MSRB3: variants seen among roughly 807,000 people sequenced by gnomAD.
MSRB3 encodes the protein methionine-R-sulfoxide reductase B3.
In MSRB3, 13 loss-of-function variants were observed where a neutral mutation model predicts 21.0. The observed-to-expected ratio is 0.62, with a 90% CI of 0.40 to 0.98. MSRB3 has a LOEUF of 0.98. Ranked by LOEUF, MSRB3 falls within the 50% of genes least tolerant of loss-of-function variation. The probability of loss-of-function intolerance (pLI) is 0.00; values close to 1 mark genes in which losing one functional copy is unlikely to be tolerated. For synonymous variants in MSRB3, 87 were observed against 88.6 expected, an observed-to-expected ratio of 0.98 and a Z score of 0.10; for missense variants, 199 against 230.3, an observed-to-expected ratio of 0.86 and a Z score of 0.88.
At chr12:65,409,203 CAT>C (rs1387734434) in intron 5 of MSRB3, among the ~76,000 whole-genome samples, 1 of 151,698 alleles carries the variant, frequency 6.6e-6, no homozygotes, top group Non-Finnish European at 1.5e-5. Flanking sequence ...CACACACACA[CAT>C]ACACATACAC....
intron 1 of MSRB3, among the ~76,000 whole-genome samples, chr12:65,283,063 A>G (rs1364516650): frequency 6.6e-6 from 1 of 152,214 alleles, no homozygotes; most frequent in Non-Finnish European, 1.5e-5. Flanking sequence ...GCTCTTTAGG[A>G]TAAGTTCATT....
At chr12:65,459,744 T>G (rs761710784) in intron 6 of MSRB3, among the ~76,000 whole-genome samples, 5 of 152,202 alleles carry the variant, frequency 3.3e-5, no homozygotes, top group Admixed American at 6.5e-5. Context: ...GAAAAACCTC[T>G]AAGACAGTGG....
intron 1 of MSRB3, among the ~76,000 whole-genome samples, chr12:65,295,923 A>G (rs2136402740): frequency 6.6e-6 from 1 of 152,342 alleles, no homozygotes; most frequent in East Asian, 1.9e-4. Context: ...ACAATTAGTT[A>G]TAAGCCCTAG....
At position 65,365,329 on chromosome 12, in the gene MSRB3, G is replaced by A. The variant is rs187654077; in HGVS notation, c.264-3669G>A. ...GAGTGTTGTGCCAGGCCCCCACTGT[G>A]GGGTAACTGAGGGGGAAGAAAGGAG... On this transcript the variant is annotated intron_variant, in intron 4 of 6. Transcript: ENST00000308259. Among the ~76,000 whole-genome samples the A allele has an allele frequency of 4.6e-5, 7 of 152,236 alleles. No individual in the cohort carries two copies. The East Asian group carries it at 1.2e-3, about 25-fold the overall frequency.
intron 1 of MSRB3, among the ~76,000 whole-genome samples, chr12:65,290,613 A>T (rs1264694718): frequency 6.6e-6 from 1 of 152,174 alleles, no homozygotes; most frequent in Non-Finnish European, 1.5e-5. Flanking sequence ...TGGGGGGAAA[A>T]GTATGCCTTA....
intron 5 of MSRB3, among the ~76,000 whole-genome samples, chr12:65,386,623 C>G (rs1879208683): frequency 6.6e-6 from 1 of 151,684 alleles, no homozygotes; most frequent in Non-Finnish European, 1.5e-5. Context: ...AAATAGATAC[C>G]TGGTTTAGCG....
rs115657286 is a variant in MSRB3, at chr12:65,333,138, T to A, written c.263+4535T>A. Among the ~76,000 whole-genome samples the A allele has an allele frequency of 5.4e-3, 816 of 152,324 alleles. 11 individuals carry two copies. The highest frequency in any genetic ancestry group is 0.018 in the African/African-American group (757 of 41,568). On this transcript the variant is annotated intron_variant, in intron 4 of 6. Coordinates refer to ENST00000308259, the MANE Select transcript of MSRB3 (RefSeq NM_001031679.3). Reference sequence around the variant, plus strand: ...ATAATTCAGAAAGTATTTTTGACCATTTATATTTTGCTTTGGTTGACACTT... The same window carrying A: ...ATAATTCAGAAAGTATTTTTGACCAATTATATTTTGCTTTGGTTGACACTT...
At chr12:65,342,470 T>A (rs935762249) in intron 4 of MSRB3, among the ~76,000 whole-genome samples, 8 of 151,978 alleles carry the variant, frequency 5.3e-5, no homozygotes, top group Non-Finnish European at 1.2e-4. Context: ...TTTCCAATAT[T>A]GTCAAATTAA....
In MSRB3 at chr12:65,335,067, C is replaced by T. The variant is rs535752015; in HGVS notation, c.263+6464C>T. Among the ~76,000 whole-genome samples, 5 of 152,248 alleles carry T rather than the reference C, an allele frequency of 3.3e-5. No individual in the cohort carries two copies. The East Asian group carries it at 7.7e-4, about 24-fold the overall frequency. ...GGCACTGACTAACAGCAGCTAGTGG[C>T]GCCTGCTGAATATCAGGCCAGATGT... On this transcript the variant is annotated intron_variant, in intron 4 of 6. Transcript: ENST00000308259.
chr12:65,407,243 G>C (rs544092113), intron 5 of MSRB3, among the ~76,000 whole-genome samples: 2 of 151,330 alleles, frequency 1.3e-5, no homozygotes, highest in African/African-American at 2.4e-5. Flanking sequence ...TTGAAAAACC[G>C]CAATTTTTTT....
At chr12:65,409,217 C>T (rs1196382497) in intron 5 of MSRB3, among the ~76,000 whole-genome samples, 1 of 151,792 alleles carries the variant, frequency 6.6e-6, no homozygotes, top group Non-Finnish European at 1.5e-5. Flanking sequence ...CACATACACA[C>T]TGTCATGAAT....
At chr12:65,317,799 G>T (rs1316353914) in intron 2 of MSRB3, among the ~76,000 whole-genome samples, 1 of 152,028 alleles carries the variant, frequency 6.6e-6, no homozygotes, top group South Asian at 2.1e-4. Flanking sequence ...TGTTATTGTT[G>T]CTGTTTTTAA....
chr12:65,421,379 A>G (rs537813720), intron 5 of MSRB3, among the ~76,000 whole-genome samples: 6 of 152,174 alleles, frequency 3.9e-5, no homozygotes, highest in African/African-American at 7.2e-5. Context: ...TGTCAGATGC[A>G]TAGTTTGCAA....
intron 5 of MSRB3, among the ~76,000 whole-genome samples, chr12:65,376,355 G>T (rs1878622462): frequency 6.6e-6 from 1 of 152,004 alleles, no homozygotes; most frequent in South Asian, 2.1e-4. Context: ...TCCTGACCTC[G>T]TGATCCGCCC....
At chr12:65,373,013 C>A (rs766613229) in intron 5 of MSRB3, among the ~76,000 whole-genome samples, 1 of 152,038 alleles carries the variant, frequency 6.6e-6, no homozygotes, top group Non-Finnish European at 1.5e-5. Context: ...TTAAAAAATC[C>A]AAAATATTTG....
In MSRB3 at chr12:65,463,269, G is replaced by C; in HGVS notation, c.505G>C (p.Glu169Gln). The change falls in exon 7 of 7, where the codon GAG becomes CAG. Residue 169 changes from glutamate to glutamine, a missense_variant. Coordinates refer to ENST00000308259, the MANE Select transcript of MSRB3 (RefSeq NM_001031679.3). ...ACCTGCGGATAGCAGTGGCACCGCC[G>C]AGGGAGGCAGTGGGGTCGCCAGCCC... ...FTPADSSGTA[E>Q]GGSGVASPAQ... is the part of the protein sequence containing the mutation. The C allele has an allele frequency of 6.2e-7, 1 of 1,614,188 alleles. No homozygotes were observed. The highest frequency in any genetic ancestry group is 8.5e-7 in the Non-Finnish European group (1 of 1,180,050).
intron 5 of MSRB3, chr12:65,418,674 C>T: frequency 1.5e-6 from 1 of 655,234 alleles, no homozygotes; most frequent in Non-Finnish European, 2.7e-6. Context: ...AACCTCTGAA[C>T]TTTTTATTGG....
intron 5 of MSRB3, among the ~76,000 whole-genome samples, chr12:65,415,307 G>A (rs994208615): frequency 2.0e-5 from 3 of 152,176 alleles, no homozygotes; most frequent in Non-Finnish European, 4.4e-5. Context: ...TTTCTCAGGA[G>A]AGGAATTTCT....
At chr12:65,349,060 C>A (rs1592550256) in intron 4 of MSRB3, among the ~76,000 whole-genome samples, 2 of 152,040 alleles carry the variant, frequency 1.3e-5, no homozygotes, top group East Asian at 3.9e-4. Flanking sequence ...CCTCCCCCTT[C>A]TCCCCACCCC....
Sources: allele counts gnomAD v4.1 joint callset (sites outside exome capture counted in the v4.1 genomes callset), GRCh38; gene constraint gnomAD v4.1.1; transcripts MANE v1.5; gene names NCBI Gene and HGNC (gene_info 2026-07-23, HGNC 2026-07-21).